The following SH2D4B variants were observed in gnomAD, a reference collection of about 807,000 sequenced individuals.
SH2D4B encodes the protein SH2 domain-containing protein 4B.
In SH2D4B, 45 loss-of-function variants were observed where a neutral mutation model predicts 61.5. The ratio of observed to expected loss-of-function variants is 0.73; its 90% CI spans 0.58 to 0.94. The LOEUF (loss-of-function observed/expected upper bound fraction) is 0.94. Among genes scored for constraint, SH2D4B ranks in the 40% least tolerant of loss-of-function variants. SH2D4B has a pLI of 0.00. For synonymous variants in SH2D4B, 224 were observed against 220.4 expected (o/e 1.02, Z -0.14); for missense variants, 572 against 574.2 (o/e 1.00, Z 0.04).
chr10:80,538,064 A>C lies in SH2D4B; in HGVS notation c.-268A>C. The C allele has an allele frequency of 4.5e-6, 1 of 220,066 alleles. No homozygotes were observed. Among genetic ancestry groups the C allele is most frequent in the Non-Finnish European group, 8.9e-6 (1 of 112,438 alleles). 13.6% of individuals were successfully genotyped at this position (220,066 alleles called of 1,614,324 possible). On this transcript the variant is annotated 5_prime_UTR_variant, in exon 1 of 8. The change abolishes the stop of an existing upstream ORF in the 5' untranslated region. Coordinates refer to ENST00000646907, the MANE Select transcript of SH2D4B (RefSeq NM_001388272.1). The surrounding 1 kb of genome is among the most constrained non-coding windows in gnomAD (Gnocchi z 4.8). The stretch of plus-strand genomic sequence containing the variant: ...TGCTTGGTGACCCAGGAGAAGGACT[A>C]GATTGCTCCTGGTGGTTGCTCCCCC...
intron 4 of SH2D4B, among the ~76,000 whole-genome samples, chr10:80,595,467 C>G (rs931689397): frequency 4.6e-5 from 7 of 152,286 alleles, no homozygotes; most frequent in Admixed American, 3.3e-4. Flanking sequence ...GGCCCATGGT[C>G]CCTGGTCCCC....
At chr10:80,631,960 C>T (rs372054572) in intron 6 of SH2D4B, among the ~76,000 whole-genome samples, 5 of 152,018 alleles carry the variant, frequency 3.3e-5, no homozygotes, top group Admixed American at 6.5e-5. Flanking sequence ...TTGTTTGAGA[C>T]GGGGTCTTGC....
chr10:80,540,956 T>C (rs1321091054), intron 1 of SH2D4B: 1 of 1,465,498 alleles, frequency 6.8e-7, no homozygotes, highest in Admixed American at 2.0e-5. Flanking sequence ...CCCCAGTTGA[T>C]GTCCAGGCTC....
At chr10:80,626,788 C>A (rs1415799711) in intron 6 of SH2D4B, among the ~76,000 whole-genome samples, 3 of 151,416 alleles carry the variant, frequency 2.0e-5, no homozygotes, top group Non-Finnish European at 2.9e-5. Context: ...CAACCTCTTC[C>A]TTCTTGTTTA....
At position 80,571,919 on chromosome 10, in the gene SH2D4B, C is replaced by A. The variant is rs564913678; in HGVS notation, c.495+341C>A. Among the ~76,000 whole-genome samples the A allele has an allele frequency of 1.1e-3, 162 of 151,912 alleles. 1 individual carries two copies. The highest frequency in any genetic ancestry group is 3.6e-3 in the African/African-American group (151 of 41,432). ...TCCCGAGTAGCTGGGACTACAGGTG[C>A]CCACCACCACACCCGGCTAAATTTT... On this transcript the variant is annotated intron_variant, in intron 3 of 7. Transcript: ENST00000646907.
chr10:80,555,081 T>G (rs1194523277), intron 1 of SH2D4B, among the ~76,000 whole-genome samples: 1 of 151,402 alleles, frequency 6.6e-6, no homozygotes, highest in Non-Finnish European at 1.5e-5. Context: ...ATAACCTACT[T>G]AAGTTGACAT....
At chr10:80,542,398 C>CTTT (rs554328250) in intron 1 of SH2D4B, among the ~76,000 whole-genome samples, 1 of 119,374 alleles carries the variant, frequency 8.4e-6, no homozygotes. Flanking sequence ...TCAGTTCTAT[C>CTTT]TTTTTTTTTT....
At chr10:80,559,383 A>G (rs1841876261) in intron 1 of SH2D4B, among the ~76,000 whole-genome samples, 1 of 152,108 alleles carries the variant, frequency 6.6e-6, no homozygotes, top group South Asian at 2.1e-4. Context: ...ATATTTATCA[A>G]ATGTTAACGT....
intron 3 of SH2D4B, among the ~76,000 whole-genome samples, chr10:80,573,434 A>G (rs979633004): frequency 2.6e-5 from 4 of 152,146 alleles, no homozygotes; most frequent in Non-Finnish European, 5.9e-5. Context: ...AATCTGTGAC[A>G]TCACAAGCTT....
intron 1 of SH2D4B, among the ~76,000 whole-genome samples, chr10:80,563,403 C>G (rs895671876): frequency 6.6e-6 from 1 of 152,080 alleles, no homozygotes; most frequent in Non-Finnish European, 1.5e-5. Flanking sequence ...TAGATTATCT[C>G]TTTACTCTGT....
At chr10:80,619,946 T>G (rs1463257526) in intron 6 of SH2D4B, among the ~76,000 whole-genome samples, 1 of 152,246 alleles carries the variant, frequency 6.6e-6, no homozygotes, top group East Asian at 1.9e-4. Context: ...CAGGCTTCTT[T>G]GGGCATTGCT....
At chr10:80,547,440 G>A (rs878991301) in intron 1 of SH2D4B, among the ~76,000 whole-genome samples, 1 of 152,136 alleles carries the variant, frequency 6.6e-6, no homozygotes, top group East Asian at 1.9e-4. Context: ...GAGCCATGCT[G>A]CACAGGAACA....
In SH2D4B at chr10:80,538,832, C is replaced by T. The variant is rs576787930; in HGVS notation, c.184+317C>T. Among the ~76,000 whole-genome samples the T allele has an allele frequency of 1.3e-5, 2 of 152,320 alleles. No individual in the cohort carries two copies. The highest frequency in any genetic ancestry group is 2.1e-4 in the South Asian group (1 of 4,828). ...ATTGAGACTTCAGATTGTGCTCCGA[C>T]GTGGTTGGCAATGGTAGGGTGAACG... is the stretch of plus-strand genomic sequence containing the variant. On this transcript the variant is annotated intron_variant, in intron 1 of 7. Transcript: ENST00000646907. The surrounding 1 kb of genome is among the most constrained non-coding windows in gnomAD (Gnocchi z 4.8).
At chr10:80,561,035 TG>T (rs1841896218) in intron 1 of SH2D4B, among the ~76,000 whole-genome samples, 1 of 152,202 alleles carries the variant, frequency 6.6e-6, no homozygotes, top group Non-Finnish European at 1.5e-5. Flanking sequence ...GAAGTATGCA[TG>T]AAGCATTTCT....
Position 80,539,664 on chromosome 10 carries a change from C to T in SH2D4B, c.184+1149C>T, listed in dbSNP as rs1046933361. On this transcript the variant is annotated intron_variant, in intron 1 of 7. Coordinates refer to ENST00000646907, the MANE Select transcript of SH2D4B (RefSeq NM_001388272.1). This position sits in a 1 kb window ranked among gnomAD's most constrained non-coding sequence, Gnocchi z 4.9. ...CTGTGGCTGCCTGGCATGTAGGACC[C>T]ACGCCTGCCCTGGCATTTGCCACCC... Among the ~76,000 whole-genome samples the T allele has an allele frequency of 1.3e-5, 2 of 152,142 alleles. No individual in the cohort carries two copies. The highest frequency in any genetic ancestry group is 4.8e-5 in the African/African-American group (2 of 41,446).
chr10:80,629,681 G>T (rs1467392987), intron 6 of SH2D4B, among the ~76,000 whole-genome samples: 3 of 152,320 alleles, frequency 2.0e-5, no homozygotes, highest in Middle Eastern at 6.8e-3. Flanking sequence ...ATCCAATGCA[G>T]CTAGTTATAT....
chr10:80,639,364 C>T (rs971288321), intron 7 of SH2D4B, among the ~76,000 whole-genome samples: 5 of 152,180 alleles, frequency 3.3e-5, no homozygotes, highest in Non-Finnish European at 7.3e-5. Context: ...TCTCATTGGT[C>T]TGTCTAATAT....
intron 1 of SH2D4B, among the ~76,000 whole-genome samples, chr10:80,559,582 A>C (rs1418894056): frequency 6.6e-6 from 1 of 151,842 alleles, no homozygotes; most frequent in East Asian, 1.9e-4. Flanking sequence ...ATCATTATAT[A>C]AATGGCATTA....
chr10:80,549,073 T>C (rs1006383927), intron 1 of SH2D4B, among the ~76,000 whole-genome samples: 2 of 152,276 alleles, frequency 1.3e-5, no homozygotes, highest in African/African-American at 4.8e-5. Context: ...TGTGATCTGC[T>C]GGTAACTGTC....
Sources: gnomAD v4.1 joint callset for allele counts (sites outside exome capture counted in the v4.1 genomes callset) on GRCh38, gnomAD v4.1.1 for gene constraint, Gnocchi (gnomAD v3.1) non-coding constraint, MANE v1.5 for transcripts, NCBI Gene and HGNC (gene_info 2026-07-23, HGNC 2026-07-21) for gene names.